ZNF571: variants seen among roughly 807,000 people sequenced by gnomAD.
ZNF571 encodes the protein zinc finger protein 571.
ZNF571 carries 4 observed loss-of-function variants against 7.7 expected under a neutral mutation model. That is an observed-to-expected ratio of 0.52 (90% CI 0.25 to 1.18). The LOEUF (loss-of-function observed/expected upper bound fraction) is 1.18. Ranked by LOEUF, ZNF571 falls within the 50% of genes most tolerant of loss-of-function variation. The pLI is 0.14. For synonymous variants in ZNF571, 251 were observed against 232.4 expected, an observed-to-expected ratio of 1.08 and a Z score of -0.73; for missense variants, 704 against 726.9, an observed-to-expected ratio of 0.97 and a Z score of 0.36.
At chr19:37,588,593 C>G (rs1343851701) in intron 1 of ZNF571, among the ~76,000 whole-genome samples, 4 of 152,180 alleles carry the variant, frequency 2.6e-5, no homozygotes, top group Non-Finnish European at 2.9e-5. Context: ...AGCAAACCTA[C>G]CTACCTATCA....
intron 1 of ZNF571, among the ~76,000 whole-genome samples, chr19:37,588,099 C>CAAAAAAAAA (rs58516591): frequency 2.2e-4 from 10 of 45,746 alleles, no homozygotes; most frequent in South Asian, 1.3e-3. Flanking sequence ...GACTCCATCT[C>CAAAAAAAAA]AAAAAAAAAA....
At chr19:37,573,762 G>A (rs143014876) in intron 3 of ZNF571, among the ~76,000 whole-genome samples, 1 of 150,866 alleles carries the variant, frequency 6.6e-6, no homozygotes, top group Non-Finnish European at 1.5e-5. Flanking sequence ...TTCAGCCCGA[G>A]TGTGAGGCTG....
In ZNF571 at chr19:37,565,479, T is replaced by A. The variant is rs1181847067; in HGVS notation, c.949A>T (p.Ile317Phe). The change falls in exon 4 of 4, where the codon ATT (isoleucine) becomes TTT (phenylalanine). Residue 317 changes from isoleucine to phenylalanine, a missense_variant. Coordinates refer to ENST00000451802, the MANE Select transcript of ZNF571 (RefSeq NM_016536.5). ...YECKECGKAF[I>F]LGSHLTYHQR... ...TGGTATGTAAGGTGTGAACCAAGAA[T>A]AAAGGCCTTTCCACATTCCTTACAC... is the stretch of plus-strand genomic sequence containing the variant. The A allele has an allele frequency of 1.2e-6, 2 of 1,613,192 alleles. No individual in the cohort carries two copies. The highest frequency in any genetic ancestry group is 2.7e-5 in the African/African-American group (2 of 74,842).
chr19:37,591,416 G>A (rs938271851), intron 1 of ZNF571, among the ~76,000 whole-genome samples: 1 of 152,182 alleles, frequency 6.6e-6, no homozygotes, highest in African/African-American at 2.4e-5. Context: ...ACAATAGTTC[G>A]AAACATATGG....
At chr19:37,579,232 C>T (rs62108260) in intron 3 of ZNF571, among the ~76,000 whole-genome samples, 1 of 152,166 alleles carries the variant, frequency 6.6e-6, no homozygotes, top group South Asian at 2.1e-4. Context: ...TGGGCTAGCC[C>T]GACTGCAGTC....
chr19:37,583,528 A>G (rs2043550788), intron 3 of ZNF571: 1 of 154,992 alleles, frequency 6.5e-6, no homozygotes, highest in Admixed American at 6.3e-5. Flanking sequence ...CACACACCTC[A>G]AAGTGCTGCC....
Position 37,565,348 on chromosome 19 carries a change from C to T in ZNF571, c.1080G>A (p.Glu360=). ...LNEHQRIHTG[E]KPYECKECGK... ...CGCATTCTTTACATTCATAGGGTTT[C>T]TCTCCTGTATGAATTCTCTGATGTT... Residue 360 remains glutamate (E), a synonymous_variant, in exon 4 of 4, where the codon GAG becomes GAA. Transcript: ENST00000451802. 1.2e-6 allele frequency: 2 copies of T among 1,613,616 alleles called. No homozygotes were observed. The highest frequency in any genetic ancestry group is 8.5e-7 in the Non-Finnish European group (1 of 1,179,818).
chr19:37,588,358 C>T (rs546149405), intron 1 of ZNF571, among the ~76,000 whole-genome samples: 1 of 152,268 alleles, frequency 6.6e-6, no homozygotes, highest in East Asian at 1.9e-4. Context: ...CCACTCCTAT[C>T]ATTAAAATGT....
chr19:37,566,964 A>ACTTACCACTCCCCTAATTATTCATTT (rs1373219329), intron 3 of ZNF571, among the ~76,000 whole-genome samples: 1 of 152,084 alleles, frequency 6.6e-6, no homozygotes, highest in Non-Finnish European at 1.5e-5. Context: ...TGATATCATC[A>ACTTACCACTCCCCTAATTATTCATTT]CTTACCACTC....
Position 37,584,022 on chromosome 19 carries a change from C to A in ZNF571, c.85G>T (p.Asp29Tyr), listed in dbSNP as rs1252399326. 1 of 1,613,968 alleles carries A rather than the reference C, an allele frequency of 6.2e-7. No homozygotes were observed. Among genetic ancestry groups the A allele is most frequent in the Admixed American group, 1.7e-5 (1 of 60,010 alleles). Reference protein sequence around the residue: ...EWECLDPAQRDLYRDVMLENY... With the variant: ...EWECLDPAQRYLYRDVMLENY... The stretch of plus-strand genomic sequence containing the variant: ...TCCAACATCACATCCCTGTACAAGT[C>A]CCTCTGAGCAGGGTCCAGGCATTCC... The change falls in exon 3 of 4, where the codon GAC becomes TAC. Residue 29 changes from aspartate (D) to tyrosine (Y), a missense_variant. Coordinates refer to ENST00000451802, the MANE Select transcript of ZNF571 (RefSeq NM_016536.5).
At chr19:37,592,340 C>A (rs774302043) in intron 1 of ZNF571, among the ~76,000 whole-genome samples, 16 of 152,258 alleles carry the variant, frequency 1.1e-4, no homozygotes, top group Non-Finnish European at 2.1e-4. Flanking sequence ...AAATTTTTCA[C>A]GGTCATATCC....
At position 37,564,883 on chromosome 19, in the gene ZNF571, T is replaced by TGAGCCATAAATAAAGGCCTTGTCA. The variant is rs1381656140; in HGVS notation, c.1521_1544dup (p.Asp508_Ser515dup). 1 of 1,614,094 alleles carries TGAGCCATAAATAAAGGCCTTGTCA rather than the reference T, an allele frequency of 6.2e-7. No individual in the cohort carries two copies. Among genetic ancestry groups the TGAGCCATAAATAAAGGCCTTGTCA allele is most frequent in the Admixed American group, 1.7e-5 (1 of 60,006 alleles). Reference sequence around the variant, plus strand: ...GAATTCTCTGATGTTCACTAAGTTGTGAGCCATAAATAAAGGCCTTGTCAC... The same window carrying TGAGCCATAAATAAAGGCCTTGTCA: ...GAATTCTCTGATGTTCACTAAGTTGTGAGCCATAAATAAAGGCCTTGTCAGAGCCATAAATAAAGGCCTTGTCAC... On this transcript the variant is annotated inframe_insertion, in exon 4 of 4. Transcript: ENST00000451802.
chr19:37,578,723 A>T (rs900742187), intron 3 of ZNF571, among the ~76,000 whole-genome samples: 4 of 151,750 alleles, frequency 2.6e-5, no homozygotes, highest in Non-Finnish European at 4.4e-5. Flanking sequence ...ACATTCCCCC[A>T]GGAACCTCCC....
In ZNF571 at chr19:37,569,262, C is replaced by T. The variant is rs1442863848; in HGVS notation, c.137-2971G>A. Among the ~76,000 whole-genome samples the T allele has an allele frequency of 6.6e-6, 1 of 151,990 alleles. No individual in the cohort carries two copies. The highest frequency in any genetic ancestry group is 2.4e-5 in the African/African-American group (1 of 41,400). On this transcript the variant is annotated intron_variant, in intron 3 of 3. Coordinates refer to ENST00000451802, the MANE Select transcript of ZNF571 (RefSeq NM_016536.5). This position sits in a 1 kb window ranked among gnomAD's most constrained non-coding sequence, Gnocchi z 4.4. ...GTCACTGCGCCTGGCCCCAAAGCAT[C>T]CGGAACCACAACAAAAACCTACTCA...
intron 3 of ZNF571, among the ~76,000 whole-genome samples, chr19:37,572,757 AAATT>A (rs1185747992): frequency 3.3e-5 from 5 of 152,188 alleles, no homozygotes; most frequent in Non-Finnish European, 5.9e-5. Flanking sequence ...ACTTCAAATA[AAATT>A]AATTAATTTC....
rs750810659 is a variant in ZNF571, at chr19:37,583,956, G to A, written c.136+15C>T. On this transcript the variant is annotated intron_variant, in intron 3 of 3. Transcript: ENST00000451802. ...ATGGGGAACAAATTCTGAATATTAC[G>A]TAGGATGATCTTACCCAATGAGATC... 9.5e-6 allele frequency: 15 copies of A among 1,587,078 alleles called. No homozygotes were observed. In the Admixed American group the frequency reaches 1.6e-4, roughly 17 times the overall value.
At chr19:37,572,492 G>C (rs993534970) in intron 3 of ZNF571, among the ~76,000 whole-genome samples, 1 of 152,102 alleles carries the variant, frequency 6.6e-6, no homozygotes, top group Non-Finnish European at 1.5e-5. Context: ...CTGCCTATTA[G>C]TCACCACCCA....
intron 1 of ZNF571, among the ~76,000 whole-genome samples, chr19:37,590,747 T>C (rs2043845844): frequency 6.6e-6 from 1 of 152,152 alleles, no homozygotes; most frequent in Non-Finnish European, 1.5e-5. Context: ...GTAAGTGTAA[T>C]ATTATATCAA....
At chr19:37,579,336 C>T (rs1011899780) in intron 3 of ZNF571, among the ~76,000 whole-genome samples, 4 of 152,138 alleles carry the variant, frequency 2.6e-5, no homozygotes, top group Non-Finnish European at 4.4e-5. Context: ...ACTCTGCTGG[C>T]GCCTGACCAT....
Sources: gnomAD v4.1 joint callset for allele counts (sites outside exome capture counted in the v4.1 genomes callset) on GRCh38, gnomAD v4.1.1 for gene constraint, Gnocchi (gnomAD v3.1) non-coding constraint, MANE v1.5 for transcripts, NCBI Gene and HGNC (gene_info 2026-07-23, HGNC 2026-07-21) for gene names.